TTC19: variants seen among roughly 807,000 people sequenced by gnomAD.
The protein encoded by TTC19 is tetratricopeptide repeat domain 19, also known as tetratricopeptide repeat protein 19, mitochondrial.
In TTC19, 38 loss-of-function variants were observed where a neutral mutation model predicts 49.5. That is an observed-to-expected ratio of 0.77 (90% confidence interval 0.59 to 1.01). TTC19 has a LOEUF of 1.01. TTC19 is among the 50% of genes least tolerant of loss of function. The probability of loss-of-function intolerance (pLI) is 0.00; values close to 1 mark genes in which losing one functional copy is unlikely to be tolerated. For missense variants in TTC19, 475 were observed against 477.7 expected, an observed-to-expected ratio of 0.99 and a Z score of 0.05; for synonymous variants, 204 against 185.2, an observed-to-expected ratio of 1.10 and a Z score of -0.83.
intron 7 of TTC19, among the ~76,000 whole-genome samples, chr17:16,016,876 TAG>T (rs1011376294): frequency 1.3e-5 from 2 of 152,048 alleles, no homozygotes; most frequent in African/African-American, 4.8e-5. Context: ...GTATTTTTAG[TAG>T]AGACGAGGTT....
intron 2 of TTC19, among the ~76,000 whole-genome samples, chr17:16,043,067 G>A (rs1484629944): frequency 6.6e-6 from 1 of 152,110 alleles, no homozygotes; most frequent in Non-Finnish European, 1.5e-5. Context: ...AGACAGAAGT[G>A]GCCAGAGAAG....
At chr17:16,011,972 T>C (rs1350778332) in intron 7 of TTC19, among the ~76,000 whole-genome samples, 1 of 152,226 alleles carries the variant, frequency 6.6e-6, no homozygotes, top group Admixed American at 6.5e-5. Context: ...CTTGATGATA[T>C]GGCCTTGATG....
At position 16,002,944 on chromosome 17, in the gene TTC19, G is replaced by A. The variant is rs1007112783; in HGVS notation, c.462+113G>A. On this transcript the variant is annotated intron_variant, in intron 4 of 9. Transcript: ENST00000261647. ...TAACAAAGAGACCCTAGAATATAGTGACTCAAACAAGATAAAAGTGTATTT... is the reference window on the plus strand; with the variant it reads ...TAACAAAGAGACCCTAGAATATAGTAACTCAAACAAGATAAAAGTGTATTT... 1.1e-4 allele frequency: 110 copies of A among 988,246 alleles called. 2 individuals are homozygous for A. In the South Asian group the frequency reaches 1.4e-3, roughly 13 times the overall value. 61.2% of individuals were successfully genotyped at this position (988,246 alleles called of 1,614,324 possible).
In TTC19 at chr17:16,000,203, C is replaced by A; in HGVS notation, c.270C>A (p.Asp90Glu). ...GGGCCGCTGCCGAGGACGGGGCGGACGAGGCCGAGGCAGAGATCATCCAGC... is the reference window on the plus strand; with the variant it reads ...GGGCCGCTGCCGAGGACGGGGCGGAAGAGGCCGAGGCAGAGATCATCCAGC... ...ADGAAAEDGA[D>E]EAEAEIIQLL... is the part of the protein sequence containing the mutation. The change falls in exon 2 of 10, where the codon GAC becomes GAA. Residue 90 changes from aspartate to glutamate, a missense_variant. Asp to Glu is a conservative substitution (Grantham distance 45). Transcript: ENST00000261647. The A allele has an allele frequency of 6.3e-7, 1 of 1,594,502 alleles. No individual in the cohort carries two copies. Among genetic ancestry groups the A allele is most frequent in the Non-Finnish European group, 8.5e-7 (1 of 1,178,890 alleles).
rs1167174831 is a variant in TTC19 at position 16,027,447 on chromosome 17, TGTACAA to T, written c.1069_1074del (p.Val357_Gln358del). The T allele has an allele frequency of 9.3e-6, 15 of 1,614,018 alleles. No homozygotes were observed. The highest frequency in any genetic ancestry group is 1.3e-5 in the Non-Finnish European group (15 of 1,179,982). The stretch of plus-strand genomic sequence containing the variant: ...CAAAGCTGAAAAAAGATGAAATTTC[TGTACAA>T]CACATCAGGGAAGAGTTGGCTGAGC... On this transcript the variant is annotated inframe_deletion, in exon 10 of 10. Coordinates refer to ENST00000261647, the MANE Select transcript of TTC19 (RefSeq NM_017775.4).
intron 7 of TTC19, among the ~76,000 whole-genome samples, chr17:16,010,021 C>T (rs948880137): frequency 6.6e-6 from 1 of 151,806 alleles, no homozygotes; most frequent in Non-Finnish European, 1.5e-5. Flanking sequence ...TAATTTTGTA[C>T]AAATTTATAT....
intron 7 of TTC19, among the ~76,000 whole-genome samples, chr17:16,009,965 G>A (rs1489356235): frequency 6.6e-6 from 1 of 151,860 alleles, no homozygotes; most frequent in Non-Finnish European, 1.5e-5. Context: ...TGGTTGGTAG[G>A]TTTATAGGGA....
rs114671687 is a variant in TTC19, at chr17:16,010,785, C to T, written c.676+4217C>T. The stretch of plus-strand genomic sequence containing the variant: ...CTGTGCCCGGCCCCTATTTTCAACT[C>T]TTAACCAGTTTCCTCTGGTATTTAC... On this transcript the variant is annotated intron_variant, in intron 7 of 9. Transcript: ENST00000261647. Among the ~76,000 whole-genome samples, 1,152 of 152,242 alleles carry T rather than the reference C, an allele frequency of 7.6e-3. 15 individuals are homozygous for T. Among genetic ancestry groups the T allele is most frequent in the African/African-American group, 0.026 (1,070 of 41,554 alleles).
At chr17:16,043,334 T>A (rs2152096134) in intron 2 of TTC19, among the ~76,000 whole-genome samples, 1 of 152,338 alleles carries the variant, frequency 6.6e-6, no homozygotes, top group South Asian at 2.1e-4. Context: ...AAATGTGCCA[T>A]GGTGGGCCCA....
chr17:16,024,431 G>A (rs1971483858), intron 7 of TTC19: 1 of 153,888 alleles, frequency 6.5e-6, no homozygotes, highest in African/African-American at 2.4e-5. Context: ...GAGTAGCTGG[G>A]ACTACAGGTA....
intron 2 of TTC19, among the ~76,000 whole-genome samples, chr17:16,036,892 T>G (rs568284234): frequency 6.6e-6 from 1 of 152,354 alleles, no homozygotes; most frequent in South Asian, 2.1e-4. Context: ...TCAATTTCCT[T>G]CAAAAACTTT....
At chr17:16,002,708 T>G (rs1970780360) in intron 3 of TTC19, 85 bp from the exon 4 acceptor site, 1 of 1,345,074 alleles carries the variant, frequency 7.4e-7, no homozygotes, top group Admixed American at 1.7e-5. Context: ...ATTTTGAGGG[T>G]GAAAGCAAAA....
chr17:16,037,825 C>A (rs2056730764), intron 2 of TTC19, among the ~76,000 whole-genome samples: 1 of 152,172 alleles, frequency 6.6e-6, no homozygotes, highest in Admixed American at 6.5e-5. Flanking sequence ...AAGTGAGACA[C>A]CTCTGACTGT....
At chr17:16,032,694 G>A (rs941778991), downstream of TTC19, among the ~76,000 whole-genome samples, 7 of 152,226 alleles carry the variant, frequency 4.6e-5, no homozygotes, top group African/African-American at 1.7e-4. Flanking sequence ...CAAAAAAGAA[G>A]AGTAACATGA....
intron 4 of TTC19, among the ~76,000 whole-genome samples, chr17:16,003,323 T>C (rs1970797073): frequency 6.6e-6 from 1 of 152,194 alleles, no homozygotes; most frequent in Admixed American, 6.5e-5. Context: ...TAATCATGGC[T>C]GACTGCAACC....
chr17:16,003,108 C>G (rs991382484), intron 4 of TTC19, among the ~76,000 whole-genome samples: 4 of 152,184 alleles, frequency 2.6e-5, no homozygotes, highest in Admixed American at 1.3e-4. Flanking sequence ...CACCTCCAGT[C>G]TGCAGGAAGG....
At chr17:16,021,514 G>A (rs1971384356) in intron 7 of TTC19, among the ~76,000 whole-genome samples, 1 of 152,232 alleles carries the variant, frequency 6.6e-6, no homozygotes, top group Non-Finnish European at 1.5e-5. Context: ...TATTTATGAA[G>A]GAATATGTAT....
intron 7 of TTC19, among the ~76,000 whole-genome samples, chr17:16,016,575 T>TGG (rs1555529803): frequency 2.1e-5 from 3 of 142,844 alleles, no homozygotes; most frequent in African/African-American, 8.5e-5. Context: ...TTTTTTTTTT[T>TGG]GGGATGGAGT....
chr17:16,010,814 C>T (rs1971048657), intron 7 of TTC19, among the ~76,000 whole-genome samples: 1 of 152,218 alleles, frequency 6.6e-6, no homozygotes, highest in Admixed American at 6.5e-5. Context: ...TATTTACCTT[C>T]ACATTTCTCA....
Sources: allele counts gnomAD v4.1 joint callset (sites outside exome capture counted in the v4.1 genomes callset), GRCh38; gene constraint gnomAD v4.1.1; transcripts MANE v1.5; gene names NCBI Gene and HGNC (gene_info 2026-07-23, HGNC 2026-07-21).